Variants in BRWD1 observed in about 807,000 individuals in gnomAD.
BRWD1 encodes the protein bromodomain and WD repeat-containing protein 1.
In BRWD1, 82 loss-of-function variants were observed where a neutral mutation model predicts 251.2. The ratio of observed to expected loss-of-function variants is 0.33; its 90% CI spans 0.27 to 0.39. The LOEUF (loss-of-function observed/expected upper bound fraction) is 0.39. Ranked by LOEUF, BRWD1 falls within the 10% of genes least tolerant of loss-of-function variation. BRWD1 has a pLI of 1.00. For synonymous variants in BRWD1, 918 were observed against 902.8 expected (o/e 1.02, Z -0.30); for missense variants, 2,233 against 2,711.6 (o/e 0.82, Z 3.92).
Position 39,189,674 on chromosome 21 carries a change from G to A in BRWD1, c.*6585C>T, listed in dbSNP as rs2031441360. The A allele has an allele frequency of 1.0e-6, 1 of 980,774 alleles. No individual in the cohort carries two copies. The highest frequency in any genetic ancestry group is 1.8e-5 in the African/African-American group (1 of 56,530). 60.8% of individuals were successfully genotyped at this position (980,774 alleles called of 1,614,324 possible). On this transcript the variant is annotated 3_prime_UTR_variant, in exon 41 of 41. Coordinates refer to ENST00000342449, the MANE Select transcript of BRWD1 (RefSeq NM_033656.4). ...AAAACAATCTGAGGAAGACAAAACTGTGGAGAATTTTTTTAAATACATTCA... is the reference window on the plus strand; with the variant it reads ...AAAACAATCTGAGGAAGACAAAACTATGGAGAATTTTTTTAAATACATTCA...
intron 4 of BRWD1, among the ~76,000 whole-genome samples, chr21:39,301,845 T>C (rs2036122085): frequency 6.6e-6 from 1 of 150,716 alleles, no homozygotes; most frequent in Admixed American, 6.6e-5. Context: ...GACTGCTAAA[T>C]TTCCAACATT....
intron 40 of BRWD1, among the ~76,000 whole-genome samples, chr21:39,198,007 CATG>C (rs2031910081): frequency 6.6e-6 from 1 of 152,136 alleles, no homozygotes; most frequent in Admixed American, 6.6e-5. Context: ...ATAATATTAA[CATG>C]AATACAACTA....
Position 39,225,035 on chromosome 21 carries a change from C to A in BRWD1, c.3320+51G>T, listed in dbSNP as rs767970722. 7.1e-6 allele frequency: 9 copies of A among 1,275,744 alleles called. No homozygotes were observed. In the Admixed American group the frequency reaches 1.4e-4, roughly 20 times the overall value. 79.0% of individuals were successfully genotyped at this position (1,275,744 alleles called of 1,614,324 possible). A position where few individuals can be genotyped will look rare whatever the true frequency, so the allele number is the denominator to read the frequency against. On this transcript the variant is annotated intron_variant, in intron 28 of 40. Coordinates refer to ENST00000342449, the MANE Select transcript of BRWD1 (RefSeq NM_033656.4). ...CAGAAATGTATTATTTATACAGCAA[C>A]CTGCCACACTGAATTACTGGGAAAT...
At chr21:39,271,129 C>G (rs1409826883) in intron 13 of BRWD1, among the ~76,000 whole-genome samples, 1 of 151,626 alleles carries the variant, frequency 6.6e-6, no homozygotes, top group Non-Finnish European at 1.5e-5. Flanking sequence ...CCCGTCTCTA[C>G]TAAAAATACA....
In BRWD1 at chr21:39,193,802, CA is replaced by C; in HGVS notation, c.*2456del. On this transcript the variant is annotated 3_prime_UTR_variant, in exon 41 of 41. Transcript: ENST00000342449. ...TTTGCATAACGTAGAAAAAAAAGGC[CA>C]AACATGTTCTAGTGCTCAATGTAAA... The C allele has an allele frequency of 1.0e-6, 1 of 985,384 alleles. No homozygotes were observed. The highest frequency in any genetic ancestry group is 1.2e-6 in the Non-Finnish European group (1 of 829,652). The allele number at this position is 985,384 out of a possible 1,614,324, so 61.0% of individuals were successfully genotyped here. A position where few individuals can be genotyped will look rare whatever the true frequency, so the allele number is the denominator to read the frequency against.
Position 39,187,150 on chromosome 21 carries a change from A to T in BRWD1, c.*9109T>A. ...ATCATCCTCTTTATAAACATTCAGT[A>T]ATTTTTTCTTAGCCGCAGCAGAAGC... is the stretch of plus-strand genomic sequence containing the variant. On this transcript the variant is annotated 3_prime_UTR_variant, in exon 41 of 41. Coordinates refer to ENST00000342449, the MANE Select transcript of BRWD1 (RefSeq NM_033656.4). 1 of 1,613,694 alleles carries T rather than the reference A, an allele frequency of 6.2e-7. No homozygotes were observed. The highest frequency in any genetic ancestry group is 8.5e-7 in the Non-Finnish European group (1 of 1,179,880).
intron 17 of BRWD1, among the ~76,000 whole-genome samples, chr21:39,259,309 A>C (rs886802637): frequency 4.6e-5 from 7 of 152,110 alleles, no homozygotes; most frequent in Admixed American, 4.6e-4. Flanking sequence ...AGTTTTTCTG[A>C]GACGGAGTCT....
chr21:39,274,913 G>A (rs888888442), intron 12 of BRWD1, among the ~76,000 whole-genome samples: 3 of 151,614 alleles, frequency 2.0e-5, no homozygotes, highest in African/African-American at 7.3e-5. Flanking sequence ...GGTGGCACAT[G>A]CCTGTAATCG....
chr21:39,286,016 C>CTTTTTTCTTT (rs2035623929), intron 8 of BRWD1, among the ~76,000 whole-genome samples: 1 of 104,806 alleles, frequency 9.5e-6, no homozygotes, highest in Non-Finnish European at 1.8e-5. Flanking sequence ...ACCATATGAA[C>CTTTTTTCTTT]TTTTTTTTTT....
intron 31 of BRWD1, chr21:39,216,642 A>C: frequency 2.9e-6 from 1 of 347,920 alleles, no homozygotes; most frequent in Non-Finnish European, 5.6e-6. Context: ...TATAAATAAC[A>C]GAATCTACTC....
At chr21:39,271,757 G>T (rs962266637) in intron 13 of BRWD1, among the ~76,000 whole-genome samples, 1 of 150,072 alleles carries the variant, frequency 6.7e-6, no homozygotes, top group Non-Finnish European at 1.5e-5. Context: ...ATTAACAAAG[G>T]CTGGGCATGG....
intron 30 of BRWD1, 76 bp from the exon 31 acceptor site, chr21:39,218,348 T>A (rs527622072): frequency 4.0e-6 from 6 of 1,511,964 alleles, no homozygotes; most frequent in Middle Eastern, 1.8e-4. Flanking sequence ...AAATCATTCA[T>A]AAGATATGGC....
At chr21:39,285,366 A>G (rs1397203246) in intron 8 of BRWD1, among the ~76,000 whole-genome samples, 2 of 152,192 alleles carry the variant, frequency 1.3e-5, no homozygotes, top group Non-Finnish European at 2.9e-5. Flanking sequence ...AATGGGTATT[A>G]AGTTACAATC....
downstream of BRWD1, chr21:39,184,272 G>A (rs1453484178): frequency 2.6e-5 from 4 of 152,204 alleles, no homozygotes; most frequent in Non-Finnish European, 5.9e-5. Flanking sequence ...TTTTATGAGT[G>A]TAAAAAATAG....
At chr21:39,281,719 G>T (rs537839560) in intron 8 of BRWD1, among the ~76,000 whole-genome samples, 1 of 151,946 alleles carries the variant, frequency 6.6e-6, no homozygotes, top group African/African-American at 2.4e-5. Flanking sequence ...AACATAAAAA[G>T]TAGGCAGGAG....
At chr21:39,232,153 G>T in intron 25 of BRWD1, 24 bp downstream of exon 25, 2 of 1,511,516 alleles carry the variant, frequency 1.3e-6, no homozygotes, top group South Asian at 2.3e-5. Context: ...AATGTTTAAT[G>T]ATTTAATAAT....
intron 32 of BRWD1, 145 bp downstream of exon 32, chr21:39,215,092 A>G: frequency 4.2e-6 from 3 of 707,566 alleles, no homozygotes; most frequent in South Asian, 1.8e-5. Flanking sequence ...CTGGTCTCAA[A>G]TGCCTGACCG....
chr21:39,263,700 C>CTTTACTGTGTTTCAGTAAAGGT (rs2034828195), intron 17 of BRWD1, among the ~76,000 whole-genome samples: 2 of 152,070 alleles, frequency 1.3e-5, no homozygotes, highest in African/African-American at 4.8e-5. Context: ...CAGTAACAAC[C>CTTTACTGTGTTTCAGTAAAGGT]GATTCAGGCA....
intron 40 of BRWD1, 42 bp downstream of exon 40, chr21:39,198,721 G>T (rs914871881): frequency 1.3e-6 from 2 of 1,493,484 alleles, no homozygotes; most frequent in African/African-American, 1.4e-5. Context: ...GAAAAGGATG[G>T]TGAGAGTCAA....
Sources: gnomAD v4.1 joint callset for allele counts (sites outside exome capture counted in the v4.1 genomes callset) on GRCh38, gnomAD v4.1.1 for gene constraint, MANE v1.5 for transcripts, NCBI Gene and HGNC (gene_info 2026-07-23, HGNC 2026-07-21) for gene names.